Variants in ASAP2 observed in about 807,000 individuals in gnomAD.
The protein encoded by ASAP2 is arf-GAP with SH3 domain, ANK repeat and PH domain-containing protein 2.
A neutral mutation model predicts 131.4 loss-of-function variants in ASAP2; 45 were observed. That is an observed-to-expected ratio of 0.34 (90% CI 0.27 to 0.44). ASAP2 has a LOEUF of 0.44. ASAP2 is among the 20% of genes least tolerant of loss of function. ASAP2 has a pLI of 1.00. For missense variants in ASAP2, 1,011 were observed against 1,297.0 expected (o/e 0.78, Z 3.39); for synonymous variants, 510 against 503.0 (o/e 1.01, Z -0.19).
intron 3 of ASAP2, among the ~76,000 whole-genome samples, chr2:9,316,032 A>C (rs972017728): frequency 5.9e-5 from 9 of 152,144 alleles, no homozygotes; most frequent in Non-Finnish European, 1.0e-4. Flanking sequence ...CTAATGTAAA[A>C]TTTAGTCCAG....
rs1677141133 is a variant in ASAP2 at position 9,405,453 on chromosome 2, G to T, written c.*2126G>T. ...GAGTAACTGTGTGATCTGTTAAGGG[G>T]TGGATAACATAATATGCAGCTTAGG... On this transcript the variant is annotated 3_prime_UTR_variant, in exon 28 of 28. Transcript: ENST00000281419. The T allele has an allele frequency of 6.6e-6, 1 of 152,616 alleles. No individual in the cohort carries two copies. The highest frequency in any genetic ancestry group is 2.1e-4 in the South Asian group (1 of 4,832). The allele number at this position is 152,616 out of a possible 1,614,324, so 9.5% of individuals were successfully genotyped here.
At chr2:9,387,148 A>G (rs529155953) in intron 21 of ASAP2, among the ~76,000 whole-genome samples, 3 of 144,768 alleles carry the variant, frequency 2.1e-5, no homozygotes, top group East Asian at 4.0e-4. Context: ...CGGGAGGCGG[A>G]GCTTGCAGTG....
chr2:9,259,669 G>A (rs975647016), intron 1 of ASAP2, among the ~76,000 whole-genome samples: 1 of 152,348 alleles, frequency 6.6e-6, no homozygotes, highest in South Asian at 2.1e-4. Flanking sequence ...AGGCTGGACC[G>A]CTGTTGGGAG....
At chr2:9,292,294 T>C (rs10210443) in intron 2 of ASAP2, among the ~76,000 whole-genome samples, 39,309 of 151,568 alleles carry the variant, frequency 0.26, 5,144 homozygotes, top group African/African-American at 0.29. Flanking sequence ...CTGAGGAGGG[T>C]GGATCATGAG....
intron 1 of ASAP2, among the ~76,000 whole-genome samples, chr2:9,215,517 G>A (rs936758198): frequency 6.6e-6 from 1 of 151,776 alleles, no homozygotes; most frequent in Admixed American, 6.6e-5. Context: ...ATTACCATGT[G>A]TTGCTTACAT....
Position 9,393,576 on chromosome 2 carries a change from C to T in ASAP2, c.2613C>T (p.Ile871=), listed in dbSNP as rs550356402. ...SQPSKPAPPG[I]SQIRPPPLPP... ...CGAGCAAGCCTGCCCCGCCTGGGAT[C>T]TCACAGATCAGGCCCCCACCTCTGC... The change falls in exon 24 of 28, where the codon ATC becomes ATT. Residue 871 remains isoleucine (I), a synonymous_variant. Coordinates refer to ENST00000281419, the MANE Select transcript of ASAP2 (RefSeq NM_003887.3). The T allele has an allele frequency of 2.5e-6, 4 of 1,599,174 alleles. No homozygotes were observed. Among genetic ancestry groups the T allele is most frequent in the Non-Finnish European group, 3.4e-6 (4 of 1,174,052 alleles).
At chr2:9,328,464 G>C (rs997388365) in intron 7 of ASAP2, among the ~76,000 whole-genome samples, 3 of 152,044 alleles carry the variant, frequency 2.0e-5, no homozygotes, top group Non-Finnish European at 4.4e-5. Context: ...GACCTATTCC[G>C]CAACTCTCAG....
intron 3 of ASAP2, among the ~76,000 whole-genome samples, chr2:9,308,744 AGTT>A (rs1669109589): frequency 1.3e-5 from 2 of 152,070 alleles, no homozygotes; most frequent in Non-Finnish European, 2.9e-5. Context: ...CGCTGCTAAT[AGTT>A]GTGTGATTTG....
chr2:9,398,388 G>A (rs1182855262), intron 24 of ASAP2, among the ~76,000 whole-genome samples: 1 of 152,028 alleles, frequency 6.6e-6, no homozygotes, highest in Non-Finnish European at 1.5e-5. Flanking sequence ...GCGTGCACCT[G>A]TAGTCCCAAC....
chr2:9,212,572 C>T (rs944398587), intron 1 of ASAP2, among the ~76,000 whole-genome samples: 1 of 151,952 alleles, frequency 6.6e-6, no homozygotes, highest in Non-Finnish European at 1.5e-5. Context: ...GAGGGCTGCT[C>T]AGACCAAGAA....
chr2:9,368,580 G>T, intron 16 of ASAP2, 61 bp downstream of exon 16: 1 of 1,424,586 alleles, frequency 7.0e-7, no homozygotes, highest in South Asian at 1.2e-5. Flanking sequence ...CCCGAGCCCC[G>T]GGAGGCAGGG....
At chr2:9,289,420 T>C (rs1325843963) in intron 2 of ASAP2, among the ~76,000 whole-genome samples, 2 of 152,202 alleles carry the variant, frequency 1.3e-5, no homozygotes, top group South Asian at 2.1e-4. Flanking sequence ...TTCAGTGTGA[T>C]TGGATTTTAT....
chr2:9,236,122 A>C (rs2148049280), intron 1 of ASAP2, among the ~76,000 whole-genome samples: 1 of 151,960 alleles, frequency 6.6e-6, no homozygotes, highest in South Asian at 2.1e-4. Flanking sequence ...GTGATGGTGG[A>C]CTTGGAGGGC....
chr2:9,247,403 T>C (rs984049935), intron 1 of ASAP2, among the ~76,000 whole-genome samples: 5 of 152,198 alleles, frequency 3.3e-5, no homozygotes, highest in African/African-American at 9.6e-5. Flanking sequence ...GCGAATCAGT[T>C]TAGCAATTTG....
At chr2:9,263,239 C>T (rs1281454223) in intron 1 of ASAP2, among the ~76,000 whole-genome samples, 1 of 152,206 alleles carries the variant, frequency 6.6e-6, no homozygotes, top group Admixed American at 6.5e-5. Context: ...CATTTTCTAC[C>T]TCGAGTCTGC....
chr2:9,388,826 C>T (rs1207663606), intron 22 of ASAP2, among the ~76,000 whole-genome samples: 1 of 152,162 alleles, frequency 6.6e-6, no homozygotes, highest in African/African-American at 2.4e-5. Context: ...ACTGGGCTCC[C>T]GGGGCTGGGC....
At chr2:9,287,701 T>C (rs576099972) in intron 2 of ASAP2, among the ~76,000 whole-genome samples, 1 of 152,274 alleles carries the variant, frequency 6.6e-6, no homozygotes, top group South Asian at 2.1e-4. Flanking sequence ...GAGGAAGTTA[T>C]AGAGGGAGGT....
At chr2:9,330,132 C>T (rs1181079235) in intron 7 of ASAP2, among the ~76,000 whole-genome samples, 11 of 152,182 alleles carry the variant, frequency 7.2e-5, no homozygotes, top group Non-Finnish European at 2.9e-5. Flanking sequence ...ATTCTTAATA[C>T]AGCTTTGATG....
At chr2:9,370,608 C>G (rs1021008574) in intron 16 of ASAP2, among the ~76,000 whole-genome samples, 1 of 152,150 alleles carries the variant, frequency 6.6e-6, no homozygotes, top group Non-Finnish European at 1.5e-5. Flanking sequence ...AGGGAGATAA[C>G]GTTCCCCCTC....
Sources: gnomAD v4.1 joint callset for allele counts (sites outside exome capture counted in the v4.1 genomes callset) on GRCh38, gnomAD v4.1.1 for gene constraint, MANE v1.5 for transcripts, NCBI Gene and HGNC (gene_info 2026-07-23, HGNC 2026-07-21) for gene names.